Variants in FAR2 observed in about 807,000 individuals in gnomAD.
The protein encoded by FAR2 is epididymis secretory protein Li 81.
A neutral mutation model predicts 56.0 loss-of-function variants in FAR2; 19 were observed. That is an observed-to-expected ratio of 0.34 (90% CI 0.24 to 0.50). The LOEUF (loss-of-function observed/expected upper bound fraction) is 0.50, where lower values mean the gene tolerates loss of function less well. Ranked by LOEUF, FAR2 falls within the 20% of genes least tolerant of loss-of-function variation. The pLI, the probability that FAR2 is intolerant of heterozygous loss-of-function variation, is 0.98. For synonymous variants in FAR2, 219 were observed against 218.8 expected, an observed-to-expected ratio of 1.00 and a Z score of -0.01; for missense variants, 508 against 642.2, an observed-to-expected ratio of 0.79 and a Z score of 2.26.
At chr12:29,316,054 C>T (rs2288128) in intron 8 of FAR2, among the ~76,000 whole-genome samples, 100,535 of 151,922 alleles carry the variant, frequency 0.66, 34,303 homozygotes, top group African/African-American at 0.83. Context: ...TATTTTCAGA[C>T]AGATTTTAGC....
At chr12:29,281,133 T>C (rs1483010906) in intron 2 of FAR2, 2 of 152,226 alleles carry the variant, frequency 1.3e-5, no homozygotes, top group Non-Finnish European at 2.9e-5. Context: ...GGTTTGGTAT[T>C]CTTGGATAAA....
intron 2 of FAR2, chr12:29,293,074 G>A (rs1226009828): frequency 1.5e-5 from 5 of 335,128 alleles, no homozygotes; most frequent in South Asian, 7.7e-5. Context: ...ACCATGTTGC[G>A]CAGGCTGGTG....
At chr12:29,275,131 T>A (rs1948688209) in intron 2 of FAR2, among the ~76,000 whole-genome samples, 1 of 148,966 alleles carries the variant, frequency 6.7e-6, no homozygotes, top group African/African-American at 2.5e-5. Context: ...CTTTTAATCA[T>A]CTGGGTGCAG....
chr12:29,198,279 T>A (rs570252830), intron 1 of FAR2, among the ~76,000 whole-genome samples: 92 of 152,204 alleles, frequency 6.0e-4, no homozygotes, highest in Non-Finnish European at 1.1e-3. Flanking sequence ...CGGGCTGGAG[T>A]GCAGCCGGGC....
At chr12:29,209,787 G>T (rs1258331001) in intron 1 of FAR2, among the ~76,000 whole-genome samples, 1 of 151,916 alleles carries the variant, frequency 6.6e-6, no homozygotes, top group Non-Finnish European at 1.5e-5. Flanking sequence ...AAGCAGATGA[G>T]CTGATTTTAA....
chr12:29,224,992 G>T (rs190242982), intron 1 of FAR2, among the ~76,000 whole-genome samples: 17 of 152,252 alleles, frequency 1.1e-4, no homozygotes, highest in Admixed American at 1.0e-3. Context: ...GCCAAGACAG[G>T]TGCCTCCCAC....
intron 1 of FAR2, among the ~76,000 whole-genome samples, chr12:29,241,339 A>G (rs1440934001): frequency 6.6e-6 from 1 of 152,148 alleles, no homozygotes; most frequent in Non-Finnish European, 1.5e-5. Flanking sequence ...TCTGATGGAA[A>G]TCTGGAAAGA....
intron 2 of FAR2, chr12:29,280,813 C>G (rs1948773291): frequency 6.6e-6 from 1 of 152,200 alleles, no homozygotes; most frequent in African/African-American, 2.4e-5. Flanking sequence ...TTTTGTGGCC[C>G]AGGCCCAGAA....
At chr12:29,308,944 T>C (rs1386384394) in intron 5 of FAR2, among the ~76,000 whole-genome samples, 1 of 152,102 alleles carries the variant, frequency 6.6e-6, no homozygotes, top group Non-Finnish European at 1.5e-5. Flanking sequence ...AAACCATTCA[T>C]GATTCCTGCT....
At chr12:29,188,884 C>T (rs1270534967) in intron 1 of FAR2, among the ~76,000 whole-genome samples, 1 of 151,740 alleles carries the variant, frequency 6.6e-6, no homozygotes, top group African/African-American at 2.4e-5. Context: ...CATAATTAGG[C>T]TCAAATTAGG....
chr12:29,174,388 T>A (rs1949915968), intron 1 of FAR2, among the ~76,000 whole-genome samples: 2 of 148,350 alleles, frequency 1.3e-5, no homozygotes, highest in Admixed American at 1.3e-4. Flanking sequence ...TAGGAGAAAC[T>A]GGAAAAGCAC....
chr12:29,315,888 T>A (rs1406930921), intron 8 of FAR2, among the ~76,000 whole-genome samples: 1 of 152,126 alleles, frequency 6.6e-6, no homozygotes, highest in Admixed American at 6.5e-5. Context: ...CAGATGGAAA[T>A]GTTGAACAGG....
At chr12:29,166,795 A>G (rs545658057) in intron 1 of FAR2, among the ~76,000 whole-genome samples, 41 of 152,312 alleles carry the variant, frequency 2.7e-4, no homozygotes, top group African/African-American at 9.9e-4. Context: ...TTGGACAGTG[A>G]CCTTCTTTAC....
intron 11 of FAR2, chr12:29,333,390 T>C (rs76605977): frequency 0.018 from 8,102 of 444,496 alleles, 540 homozygotes; most frequent in African/African-American, 0.15. Flanking sequence ...GTCATGCTTG[T>C]AAATAGTTTC....
chr12:29,256,306 G>C (rs1948315307), intron 1 of FAR2, among the ~76,000 whole-genome samples: 1 of 152,152 alleles, frequency 6.6e-6, no homozygotes, highest in African/African-American at 2.4e-5. Context: ...TCCCGGCTCA[G>C]CCTTCCTAGT....
chr12:29,154,333 A>G (rs1352543739), intron 1 of FAR2, among the ~76,000 whole-genome samples: 1 of 152,174 alleles, frequency 6.6e-6, no homozygotes, highest in Non-Finnish European at 1.5e-5. Flanking sequence ...ACAGTTAAGT[A>G]AAGGAAGAAA....
chr12:29,152,010 C>T (rs1229925106), intron 1 of FAR2: 1 of 152,008 alleles, frequency 6.6e-6, no homozygotes, highest in African/African-American at 2.4e-5. Flanking sequence ...CCTTTCTGAC[C>T]CTTATAGTTT....
chr12:29,236,363 G>T (rs1309472923), intron 1 of FAR2, among the ~76,000 whole-genome samples: 1 of 152,112 alleles, frequency 6.6e-6, no homozygotes, highest in Non-Finnish European at 1.5e-5. Flanking sequence ...ACCAGGATGT[G>T]GCTGAGAAAA....
chr12:29,258,390 T>C (rs1357000469), intron 1 of FAR2, among the ~76,000 whole-genome samples: 3 of 152,114 alleles, frequency 2.0e-5, no homozygotes, highest in African/African-American at 7.2e-5. Context: ...GGATATGTAA[T>C]AGACATTACA....
Sources: gnomAD v4.1 joint callset for allele counts (sites outside exome capture counted in the v4.1 genomes callset) on GRCh38, gnomAD v4.1.1 for gene constraint, MANE v1.5 for transcripts, NCBI Gene and HGNC (gene_info 2026-07-23, HGNC 2026-07-21) for gene names.